The following NOS1AP variants were observed in gnomAD, a reference collection of about 807,000 sequenced individuals.
NOS1AP encodes the protein nitric oxide synthase 1 adaptor protein, also known as carboxyl-terminal PDZ ligand of neuronal nitric oxide synthase protein.
In NOS1AP, 21 loss-of-function variants were observed where a neutral mutation model predicts 56.2. The ratio of observed to expected loss-of-function variants is 0.37; its 90% CI spans 0.26 to 0.54. NOS1AP has a LOEUF of 0.54. Among genes scored for constraint, NOS1AP ranks in the 20% least tolerant of loss-of-function variants. The pLI, the probability that NOS1AP is intolerant of heterozygous loss-of-function variation, is 0.84. For missense variants in NOS1AP, 522 were observed against 657.8 expected (o/e 0.79, Z 2.26); for synonymous variants, 270 against 274.6 (o/e 0.98, Z 0.17).
chr1:162,207,304 A>AC (rs990939176), intron 2 of NOS1AP, among the ~76,000 whole-genome samples: 1 of 152,160 alleles, frequency 6.6e-6, no homozygotes, highest in African/African-American at 2.4e-5. Context: ...TTGTAAAATC[A>AC]CCGTCTACCC....
At chr1:162,191,112 A>G (rs1028174089) in intron 2 of NOS1AP, among the ~76,000 whole-genome samples, 6 of 152,140 alleles carry the variant, frequency 3.9e-5, no homozygotes, top group Admixed American at 3.9e-4. Context: ...ACCACCGTCT[A>G]ACACCCCATG....
intron 5 of NOS1AP, among the ~76,000 whole-genome samples, chr1:162,339,380 G>T (rs752951038): frequency 1.4e-5 from 2 of 146,342 alleles, no homozygotes; most frequent in Non-Finnish European, 3.0e-5. Context: ...CAGAAATAAT[G>T]CAGTATAATG....
Position 162,230,627 on chromosome 1 carries a change from A to G in NOS1AP, c.178-56717A>G, listed in dbSNP as rs1653091935. On this transcript the variant is annotated intron_variant, in intron 2 of 9. Transcript: ENST00000361897. ...TTTCATCTTGCAGATCTGAAACTCT[A>G]CACCCATTAAACAACAACTTCCCTT... Among the ~76,000 whole-genome samples the G allele has an allele frequency of 2.6e-5, 4 of 152,306 alleles. No individual in the cohort carries two copies. In the East Asian group the frequency reaches 7.7e-4, roughly 29 times the overall value.
chr1:162,271,143 G>T (rs1018125640), intron 2 of NOS1AP, among the ~76,000 whole-genome samples: 1 of 152,026 alleles, frequency 6.6e-6, no homozygotes, highest in African/African-American at 2.4e-5. Context: ...GTCGTGGGGG[G>T]TGTGCGTGCA....
chr1:162,214,532 A>AT (rs560618867), intron 2 of NOS1AP, among the ~76,000 whole-genome samples: 5 of 151,550 alleles, frequency 3.3e-5, no homozygotes, highest in East Asian at 3.9e-4. Context: ...TCCCTTCATA[A>AT]TTTTTTTTTC....
chr1:162,218,498 G>A (rs1394078059), intron 2 of NOS1AP, among the ~76,000 whole-genome samples: 2 of 152,164 alleles, frequency 1.3e-5, no homozygotes, highest in Non-Finnish European at 2.9e-5. Flanking sequence ...TGATTCTACT[G>A]TTGCTCCCAC....
At chr1:162,338,279 G>A (rs1657003515) in intron 5 of NOS1AP, among the ~76,000 whole-genome samples, 1 of 152,134 alleles carries the variant, frequency 6.6e-6, no homozygotes, top group African/African-American at 2.4e-5. Flanking sequence ...CAGGGGAATA[G>A]TAAACTAGAG....
chr1:162,366,973 G>GGGCGGGCAGAA, intron 9 of NOS1AP, 79 bp from the exon 10 acceptor site: 3 of 1,559,910 alleles, frequency 1.9e-6, no homozygotes, highest in Non-Finnish European at 2.6e-6. Flanking sequence ...GGCAGGGCAC[G>GGGCGGGCAGAA]GGCGGGCAGA....
intron 2 of NOS1AP, among the ~76,000 whole-genome samples, chr1:162,218,229 A>G (rs1440221914): frequency 6.6e-6 from 1 of 152,200 alleles, no homozygotes; most frequent in Non-Finnish European, 1.5e-5. Context: ...CTGCTCTAGG[A>G]GAAAGAATCC....
At chr1:162,090,910 TTCTC>T (rs1692113783) in intron 1 of NOS1AP, among the ~76,000 whole-genome samples, 1 of 152,218 alleles carries the variant, frequency 6.6e-6, no homozygotes, top group South Asian at 2.1e-4. Flanking sequence ...TTGTTCCTTA[TTCTC>T]TCTTTTTTTA....
intron 2 of NOS1AP, among the ~76,000 whole-genome samples, chr1:162,165,562 G>A (rs1571085316): frequency 6.6e-6 from 1 of 152,304 alleles, no homozygotes; most frequent in East Asian, 1.9e-4. Flanking sequence ...GCTCGCAGAG[G>A]TGGTAAGTGG....
intron 8 of NOS1AP, chr1:162,363,753 T>C (rs1236109870): frequency 1.0e-6 from 1 of 976,260 alleles, no homozygotes; most frequent in Non-Finnish European, 1.2e-6. Flanking sequence ...AGACCAAACA[T>C]GTATTTCACT....
intron 2 of NOS1AP, among the ~76,000 whole-genome samples, chr1:162,270,400 T>C (rs1002203280): frequency 6.6e-6 from 1 of 152,172 alleles, no homozygotes; most frequent in Non-Finnish European, 1.5e-5. Context: ...GTTGAGAAGA[T>C]GAGAAAGAAC....
chr1:162,297,656 C>T (rs1261580485), intron 3 of NOS1AP, among the ~76,000 whole-genome samples: 3 of 152,024 alleles, frequency 2.0e-5, no homozygotes, highest in Admixed American at 6.6e-5. Context: ...ACCTCTGACC[C>T]ACTGTATTCA....
At chr1:162,365,011 C>T in intron 8 of NOS1AP, 1 of 1,072,204 alleles carries the variant, frequency 9.3e-7, no homozygotes. Context: ...ACATGGCATG[C>T]CATGCTAGGT....
rs188059382 is a variant in NOS1AP at position 162,091,654 on chromosome 1, T to C, written c.105+21372T>C. ...CAAAACATATAAAGATTTGAGAACA[T>C]AGGATAAGGAATGAATAAATCCTGC... On this transcript the variant is annotated intron_variant, in intron 1 of 9. Coordinates refer to ENST00000361897, the MANE Select transcript of NOS1AP (RefSeq NM_014697.3). Among the ~76,000 whole-genome samples, 94 of 152,318 alleles carry C rather than the reference T, an allele frequency of 6.2e-4. 2 individuals are homozygous for C. Among genetic ancestry groups the C allele is most frequent in the Admixed American group, 8.5e-4 (13 of 15,298 alleles).
At chr1:162,145,588 CCGCTCAGCAGGA>C (rs1395658819) in intron 1 of NOS1AP, among the ~76,000 whole-genome samples, 2 of 152,166 alleles carry the variant, frequency 1.3e-5, no homozygotes, top group East Asian at 3.9e-4. Context: ...ATTCATAATC[CCGCTCAGCAGGA>C]CGCTCAGCTG....
intron 2 of NOS1AP, among the ~76,000 whole-genome samples, chr1:162,229,674 T>C (rs911605623): frequency 2.6e-5 from 4 of 152,210 alleles, no homozygotes; most frequent in Admixed American, 2.6e-4. Context: ...CATAAATGTT[T>C]GTTGAATGAA....
chr1:162,253,970 A>G (rs1349883742), intron 2 of NOS1AP, among the ~76,000 whole-genome samples: 1 of 152,190 alleles, frequency 6.6e-6, no homozygotes, highest in Admixed American at 6.5e-5. Flanking sequence ...CTACTTAGTG[A>G]TTGAAGAGGT....
Sources: gnomAD v4.1 joint callset for allele counts (sites outside exome capture counted in the v4.1 genomes callset) on GRCh38, gnomAD v4.1.1 for gene constraint, MANE v1.5 for transcripts, NCBI Gene and HGNC (gene_info 2026-07-23, HGNC 2026-07-21) for gene names.